TMTC2: variants seen among roughly 807,000 people sequenced by gnomAD.
TMTC2 encodes transmembrane O-mannosyltransferase targeting cadherins 2, also known as protein O-mannosyl-transferase TMTC2.
TMTC2 carries 43 observed loss-of-function variants against 82.4 expected under a neutral mutation model. That is an observed-to-expected ratio of 0.52 (90% CI 0.41 to 0.67). The LOEUF is 0.67. TMTC2 is among the 30% of genes least tolerant of loss of function. The pLI, the probability that TMTC2 is intolerant of heterozygous loss-of-function variation, is 0.00. For missense variants in TMTC2, 919 were observed against 1,012.4 expected, an observed-to-expected ratio of 0.91 and a Z score of 1.25; for synonymous variants, 408 against 381.9, an observed-to-expected ratio of 1.07 and a Z score of -0.80.
At chr12:82,914,986 C>T (rs369464493) in intron 3 of TMTC2, among the ~76,000 whole-genome samples, 19 of 151,828 alleles carry the variant, frequency 1.3e-4, no homozygotes, top group African/African-American at 3.9e-4. Context: ...CCACCACGCC[C>T]GGCTAATTTT....
intron 11 of TMTC2, among the ~76,000 whole-genome samples, chr12:83,101,008 G>A (rs1884198076): frequency 6.6e-6 from 1 of 152,122 alleles, no homozygotes; most frequent in Non-Finnish European, 1.5e-5. Context: ...TATTTCAGCA[G>A]CTAGCTATAA....
At chr12:82,948,025 G>A (rs2137274214) in intron 4 of TMTC2, among the ~76,000 whole-genome samples, 1 of 152,234 alleles carries the variant, frequency 6.6e-6, no homozygotes, top group African/African-American at 2.4e-5. Flanking sequence ...AGTGAAGGGG[G>A]CCATTCCTTT....
intron 1 of TMTC2, among the ~76,000 whole-genome samples, chr12:82,718,535 T>C (rs746404527): frequency 6.6e-6 from 1 of 152,174 alleles, no homozygotes. Context: ...CCTGGGCCCC[T>C]GTGCCCTGGT....
chr12:82,741,650 A>T (rs939771255), intron 1 of TMTC2, among the ~76,000 whole-genome samples: 3 of 152,154 alleles, frequency 2.0e-5, no homozygotes, highest in African/African-American at 7.2e-5. Flanking sequence ...GACCTTCTTT[A>T]CCTGCTAGAT....
Position 82,697,226 on chromosome 12 carries a change from C to A in TMTC2, c.83+9557C>A, listed in dbSNP as rs575446498. On this transcript the variant is annotated intron_variant, in intron 1 of 11. Transcript: ENST00000321196. ...GGGCATGGTGATGCATCCCTGTAAT[C>A]CCAGCTACTCAGGAGGCTGAGGCAG... Among the ~76,000 whole-genome samples, 7 of 151,458 alleles carry A rather than the reference C, an allele frequency of 4.6e-5. No homozygotes were observed. The South Asian group carries it at 1.3e-3, about 27-fold the overall frequency.
intron 1 of TMTC2, among the ~76,000 whole-genome samples, chr12:82,846,595 T>C (rs762288571): frequency 2.9e-4 from 44 of 152,074 alleles, no homozygotes; most frequent in Non-Finnish European, 7.3e-5. Flanking sequence ...ATAAAATTCC[T>C]TTATTGCTTA....
intron 11 of TMTC2, among the ~76,000 whole-genome samples, chr12:83,122,722 G>A (rs1385757509): frequency 1.3e-5 from 2 of 152,166 alleles, no homozygotes; most frequent in Non-Finnish European, 2.9e-5. Context: ...GAGGGTATGT[G>A]GGTCCTCTCA....
chr12:83,056,789 A>G (rs1366434661), intron 10 of TMTC2, among the ~76,000 whole-genome samples: 1 of 151,960 alleles, frequency 6.6e-6, no homozygotes, highest in Non-Finnish European at 1.5e-5. Flanking sequence ...CCATGCTGTA[A>G]TGGACCATAG....
chr12:83,047,306 G>A (rs959893225), intron 9 of TMTC2, among the ~76,000 whole-genome samples: 2 of 152,126 alleles, frequency 1.3e-5, no homozygotes, highest in African/African-American at 4.8e-5. Context: ...TATCACTTTA[G>A]GTTCTTTGAG....
At position 82,762,288 on chromosome 12, in the gene TMTC2, C is replaced by G. The variant is rs185689916; in HGVS notation, c.83+74619C>G. On this transcript the variant is annotated intron_variant, in intron 1 of 11. Coordinates refer to ENST00000321196, the MANE Select transcript of TMTC2 (RefSeq NM_152588.3). ...GGCCGACTGTTTCCTTCTACTCTAT[C>G]TGGAACCAGTTTTCTGGCACATTGC... 1.6e-3 allele frequency among the ~76,000 whole-genome samples: 240 copies of G among 152,222 alleles called. 3 individuals carry two copies. The highest frequency in any genetic ancestry group is 5.0e-3 in the African/African-American group (208 of 41,542).
At chr12:82,981,079 C>A (rs760582787) in intron 7 of TMTC2, among the ~76,000 whole-genome samples, 12 of 151,760 alleles carry the variant, frequency 7.9e-5, no homozygotes, top group Non-Finnish European at 1.8e-4. Context: ...TGTTGGTTAA[C>A]CTGGATTGAT....
At chr12:82,991,180 C>G (rs1879385973) in intron 8 of TMTC2, among the ~76,000 whole-genome samples, 1 of 152,040 alleles carries the variant, frequency 6.6e-6, no homozygotes, top group Non-Finnish European at 1.5e-5. Flanking sequence ...AATATAACTT[C>G]AAGGTTTTCT....
intron 1 of TMTC2, among the ~76,000 whole-genome samples, chr12:82,754,262 A>T (rs1592902081): frequency 1.3e-5 from 2 of 152,298 alleles, no homozygotes; most frequent in Non-Finnish European, 2.9e-5. Context: ...TAATTCACTG[A>T]GTTAAGAAAA....
chr12:82,910,858 G>A (rs1874600160), intron 3 of TMTC2, among the ~76,000 whole-genome samples: 1 of 151,762 alleles, frequency 6.6e-6, no homozygotes, highest in Admixed American at 6.6e-5. Flanking sequence ...GCCTGCTAGG[G>A]TCTCTGGGTT....
At position 83,101,686 on chromosome 12, in the gene TMTC2, C is replaced by T. The variant is rs115741577; in HGVS notation, c.2332-30524C>T. On this transcript the variant is annotated intron_variant, in intron 11 of 11. Transcript: ENST00000321196. ...TTTGGGACCGAGCAGTACTGCTTAC[C>T]GCCTTTGTTACCTTGAAGAACTAAC... Among the ~76,000 whole-genome samples the T allele has an allele frequency of 9.2e-3, 1,394 of 152,254 alleles. 15 individuals carry two copies. Among genetic ancestry groups the T allele is most frequent in the African/African-American group, 0.032 (1,333 of 41,552 alleles).
At chr12:83,073,790 T>C (rs1216870261) in intron 11 of TMTC2, among the ~76,000 whole-genome samples, 1 of 152,142 alleles carries the variant, frequency 6.6e-6, no homozygotes, top group Non-Finnish European at 1.5e-5. Context: ...AGAGCATTTT[T>C]CATTTCTAAA....
intron 1 of TMTC2, among the ~76,000 whole-genome samples, chr12:82,781,168 A>C (rs1229408761): frequency 6.6e-6 from 1 of 152,112 alleles, no homozygotes; most frequent in East Asian, 1.9e-4. Flanking sequence ...CAACAAACAA[A>C]ATAGGACACG....
intron 1 of TMTC2, among the ~76,000 whole-genome samples, chr12:82,770,957 C>T (rs1237170390): frequency 6.6e-6 from 1 of 152,028 alleles, no homozygotes; most frequent in Non-Finnish European, 1.5e-5. Context: ...GCCTCTAATT[C>T]CAGCACTTTG....
chr12:82,926,775 T>G (rs1875743523), intron 3 of TMTC2, among the ~76,000 whole-genome samples: 1 of 152,142 alleles, frequency 6.6e-6, no homozygotes, highest in African/African-American at 2.4e-5. Flanking sequence ...CCTAGGGCCC[T>G]TAAGAATAAT....
Sources: allele counts gnomAD v4.1 joint callset (sites outside exome capture counted in the v4.1 genomes callset), GRCh38; gene constraint gnomAD v4.1.1; transcripts MANE v1.5; gene names NCBI Gene and HGNC (gene_info 2026-07-23, HGNC 2026-07-21).